The following FAM81A variants were observed in gnomAD, a reference collection of about 807,000 sequenced individuals.
The protein encoded by FAM81A is protein FAM81A.
In FAM81A, 19 loss-of-function variants were observed where a neutral mutation model predicts 46.7. The observed-to-expected ratio is 0.41, with a 90% CI of 0.28 to 0.60. The LOEUF (loss-of-function observed/expected upper bound fraction) is 0.60, where lower values mean the gene tolerates loss of function less well. Among genes scored for constraint, FAM81A ranks in the 20% least tolerant of loss-of-function variants. The pLI, the probability that FAM81A is intolerant of heterozygous loss-of-function variation, is 0.34. For synonymous variants in FAM81A, 183 were observed against 152.9 expected (o/e 1.20, Z -1.45); for missense variants, 377 against 453.5 (o/e 0.83, Z 1.53).
chr15:59,472,566 T>C (rs1274400333), intron 3 of FAM81A, among the ~76,000 whole-genome samples: 1 of 152,046 alleles, frequency 6.6e-6, no homozygotes, highest in African/African-American at 2.4e-5. Flanking sequence ...TTCCTTTTTT[T>C]TTTTTTTAAA....
intron 4 of FAM81A, among the ~76,000 whole-genome samples, chr15:59,501,038 C>T (rs751040862): frequency 4.6e-5 from 7 of 151,634 alleles, no homozygotes; most frequent in South Asian, 2.1e-4. Flanking sequence ...TGTTTTTTTC[C>T]GCCTGAGTAT....
chr15:59,492,134 C>CA lies in FAM81A; in HGVS notation c.295-137_295-136insA, dbSNP rs2081987748. ...CCCCCTAGTTCTCTGTTTAAGTGTG[C>CA]CTTAGGTGACTGTTGAAAAGGAGTC... On this transcript the variant is annotated intron_variant, in intron 3 of 8. Transcript: ENST00000288228. The CA allele has an allele frequency of 4.7e-6, 3 of 636,460 alleles. No homozygotes were observed. The African/African-American group carries it at 5.5e-5, about 12-fold the overall frequency. 39.4% of individuals were successfully genotyped at this position (636,460 alleles called of 1,614,324 possible). A position where few individuals can be genotyped will look rare whatever the true frequency, so the allele number is the denominator to read the frequency against.
intron 3 of FAM81A, among the ~76,000 whole-genome samples, chr15:59,484,582 C>T (rs1399031457): frequency 2.0e-5 from 3 of 152,162 alleles, no homozygotes; most frequent in Non-Finnish European, 4.4e-5. Flanking sequence ...GTTTATGGGA[C>T]ATTGTTTTGG....
intron 3 of FAM81A, among the ~76,000 whole-genome samples, chr15:59,482,943 A>G (rs1355265309): frequency 1.3e-5 from 2 of 152,184 alleles, no homozygotes; most frequent in Non-Finnish European, 1.5e-5. Context: ...GGTGATTGTA[A>G]CTAGTTTGTG....
At chr15:59,464,884 C>T (rs1002679071) in intron 3 of FAM81A, among the ~76,000 whole-genome samples, 6 of 152,022 alleles carry the variant, frequency 3.9e-5, no homozygotes, top group African/African-American at 7.2e-5. Flanking sequence ...ATAAAATCTT[C>T]TCCTAGACCA....
At chr15:59,463,689 A>G (rs2081579359) in intron 3 of FAM81A, among the ~76,000 whole-genome samples, 1 of 151,944 alleles carries the variant, frequency 6.6e-6, no homozygotes. Flanking sequence ...TCTAAAAATA[A>G]CAATAATAAT....
chr15:59,467,344 G>A (rs1255824251), intron 3 of FAM81A, among the ~76,000 whole-genome samples: 7 of 152,144 alleles, frequency 4.6e-5, no homozygotes, highest in African/African-American at 1.2e-4. Flanking sequence ...CATGAGCATG[G>A]AATATTCTTC....
intron 2 of FAM81A, among the ~76,000 whole-genome samples, chr15:59,404,197 G>A (rs1470263337): frequency 1.3e-5 from 2 of 151,744 alleles, no homozygotes; most frequent in Admixed American, 6.6e-5. Flanking sequence ...TGTTTCTAAA[G>A]GTAAACCTCT....
At chr15:59,493,495 A>C (rs796329702) in intron 4 of FAM81A, among the ~76,000 whole-genome samples, 3 of 152,184 alleles carry the variant, frequency 2.0e-5, no homozygotes, top group African/African-American at 7.2e-5. Flanking sequence ...GCAGTGATCA[A>C]CTTTTTTGTT....
chr15:59,431,858 A>G (rs1340359638), intron 2 of FAM81A, among the ~76,000 whole-genome samples: 1 of 152,194 alleles, frequency 6.6e-6, no homozygotes, highest in South Asian at 2.1e-4. Context: ...ATGAAAACCT[A>G]CTACGTGACT....
intron 3 of FAM81A, among the ~76,000 whole-genome samples, chr15:59,468,940 TTTA>T (rs1484601961): frequency 6.6e-6 from 1 of 152,060 alleles, no homozygotes; most frequent in Non-Finnish European, 1.5e-5. Context: ...TTTCAACATC[TTTA>T]TTTCTGCCTT....
intron 3 of FAM81A, among the ~76,000 whole-genome samples, chr15:59,478,342 T>A (rs1159234038): frequency 1.3e-5 from 2 of 152,234 alleles, no homozygotes; most frequent in African/African-American, 4.8e-5. Flanking sequence ...GAATATATCA[T>A]ACGTAGTTTG....
chr15:59,507,694 G>C (rs2082164264), intron 5 of FAM81A, among the ~76,000 whole-genome samples: 2 of 152,160 alleles, frequency 1.3e-5, no homozygotes, highest in Non-Finnish European at 2.9e-5. Flanking sequence ...CCCAATTTTT[G>C]ATTCAGGAAA....
At chr15:59,403,465 G>A (rs905784846) in intron 2 of FAM81A, among the ~76,000 whole-genome samples, 1 of 152,196 alleles carries the variant, frequency 6.6e-6, no homozygotes, top group Admixed American at 6.5e-5. Context: ...GGGGAGAGGG[G>A]TCTCGTCAGA....
At chr15:59,473,348 T>C (rs1369253586) in intron 3 of FAM81A, among the ~76,000 whole-genome samples, 2 of 152,194 alleles carry the variant, frequency 1.3e-5, no homozygotes, top group African/African-American at 4.8e-5. Flanking sequence ...CACTACTTTG[T>C]CCACACTGTA....
chr15:59,491,655 GC>G (rs1372306364), intron 3 of FAM81A, among the ~76,000 whole-genome samples: 3 of 152,134 alleles, frequency 2.0e-5, no homozygotes, highest in Non-Finnish European at 4.4e-5. Flanking sequence ...CACATTGCAT[GC>G]CTGTATCAAA....
intron 1 of FAM81A, among the ~76,000 whole-genome samples, chr15:59,453,777 G>T (rs1201763304): frequency 1.3e-5 from 2 of 152,118 alleles, no homozygotes; most frequent in Non-Finnish European, 2.9e-5. Flanking sequence ...GAGAAGGTAA[G>T]GGAGAAGAGC....
At chr15:59,431,664 A>C (rs2081220999) in intron 2 of FAM81A, among the ~76,000 whole-genome samples, 2 of 151,718 alleles carry the variant, frequency 1.3e-5, no homozygotes, top group African/African-American at 2.4e-5. Flanking sequence ...GGTTCCTTTG[A>C]TATTACCTTG....
intron 3 of FAM81A, among the ~76,000 whole-genome samples, chr15:59,465,596 T>G (rs184853902): frequency 5.3e-5 from 8 of 152,214 alleles, no homozygotes; most frequent in African/African-American, 1.9e-4. Flanking sequence ...TGCCCAGGGT[T>G]GCTTTGTCTA....
Sources: gnomAD v4.1 joint callset for allele counts (sites outside exome capture counted in the v4.1 genomes callset) on GRCh38, gnomAD v4.1.1 for gene constraint, MANE v1.5 for transcripts, NCBI Gene and HGNC (gene_info 2026-07-23, HGNC 2026-07-21) for gene names.